The following STK32B variants were observed in gnomAD, a reference collection of about 807,000 sequenced individuals.
STK32B encodes serine/threonine-protein kinase 32B.
A neutral mutation model predicts 52.6 loss-of-function variants in STK32B; 43 were observed. The observed-to-expected ratio is 0.82, with a 90% CI of 0.64 to 1.05. STK32B has a LOEUF of 1.05. STK32B is among the 50% of genes least tolerant of loss of function. The probability of loss-of-function intolerance (pLI) is 0.00; values close to 1 mark genes in which losing one functional copy is unlikely to be tolerated. For synonymous variants in STK32B, 238 were observed against 204.3 expected (o/e 1.17, Z -1.41); for missense variants, 621 against 534.6 (o/e 1.16, Z -1.59).
intron 2 of STK32B, among the ~76,000 whole-genome samples, chr4:5,166,925 C>G (rs1718915228): frequency 6.6e-6 from 1 of 152,108 alleles, no homozygotes; most frequent in African/African-American, 2.4e-5. Flanking sequence ...TGCTAACTGT[C>G]CAAGGAACCA....
chr4:5,259,722 C>A (rs557221190), intron 3 of STK32B, among the ~76,000 whole-genome samples: 4 of 152,256 alleles, frequency 2.6e-5, no homozygotes, highest in Non-Finnish European at 5.9e-5. Context: ...AAACCATGTG[C>A]TGGGATGAGA....
At chr4:5,140,501 GT>G (rs1434457156) in intron 2 of STK32B, among the ~76,000 whole-genome samples, 1 of 151,826 alleles carries the variant, frequency 6.6e-6, no homozygotes, top group African/African-American at 2.4e-5. Context: ...ATTCTGTTAT[GT>G]TTTTTTCACA....
chr4:5,297,642 T>G (rs540844897), intron 3 of STK32B, among the ~76,000 whole-genome samples: 46 of 152,038 alleles, frequency 3.0e-4, no homozygotes, highest in African/African-American at 1.0e-3. Context: ...TATGTTTTTT[T>G]TTTTTTTTTT....
chr4:5,070,909 C>T (rs375337208), intron 1 of STK32B, among the ~76,000 whole-genome samples: 19 of 152,128 alleles, frequency 1.2e-4, no homozygotes, highest in African/African-American at 4.1e-4. Context: ...AGAAGGCGTT[C>T]CTAGGCATGA....
chr4:5,408,024 C>T (rs941457386), intron 5 of STK32B, among the ~76,000 whole-genome samples: 1 of 152,108 alleles, frequency 6.6e-6, no homozygotes, highest in African/African-American at 2.4e-5. Flanking sequence ...AGGAAGCAGG[C>T]CCTCCACAGA....
At chr4:5,169,524 G>C (rs1206149638) in intron 3 of STK32B, among the ~76,000 whole-genome samples, 1 of 152,040 alleles carries the variant, frequency 6.6e-6, no homozygotes, top group African/African-American at 2.4e-5. Context: ...TGGATGATAG[G>C]AGAACAAAGA....
At chr4:5,442,883 T>A (rs902214027) in intron 6 of STK32B, among the ~76,000 whole-genome samples, 3 of 152,174 alleles carry the variant, frequency 2.0e-5, no homozygotes, top group Non-Finnish European at 4.4e-5. Flanking sequence ...TGGCTGGATA[T>A]GAAATTCTGG....
At chr4:5,486,983 C>G (rs1719276944) in intron 11 of STK32B, among the ~76,000 whole-genome samples, 1 of 152,222 alleles carries the variant, frequency 6.6e-6, no homozygotes, top group South Asian at 2.1e-4. Context: ...AGAATTGCAG[C>G]AGGTCATTTA....
chr4:5,157,298 G>GT (rs1717932622), intron 2 of STK32B, among the ~76,000 whole-genome samples: 1 of 90,180 alleles, frequency 1.1e-5, no homozygotes, highest in African/African-American at 4.3e-5. Flanking sequence ...CTGTGAGGAT[G>GT]TAAAAAAAAA....
intron 11 of STK32B, among the ~76,000 whole-genome samples, chr4:5,491,357 T>G (rs1719718976): frequency 6.6e-6 from 1 of 152,252 alleles, no homozygotes; most frequent in African/African-American, 2.4e-5. Context: ...CATGTGTTTT[T>G]TGGCTGCATA....
At chr4:5,099,613 G>T (rs1228984640) in intron 1 of STK32B, among the ~76,000 whole-genome samples, 1 of 152,054 alleles carries the variant, frequency 6.6e-6, no homozygotes, top group Non-Finnish European at 1.5e-5. Context: ...TGATGGAGGT[G>T]GTCTACGAAC....
At chr4:5,390,959 T>C (rs1736558323) in intron 4 of STK32B, among the ~76,000 whole-genome samples, 1 of 147,382 alleles carries the variant, frequency 6.8e-6, no homozygotes, top group African/African-American at 2.6e-5. Context: ...GTGTCTCTTT[T>C]CTATCTTTTT....
At chr4:5,073,556 A>G (rs1424951352) in intron 1 of STK32B, among the ~76,000 whole-genome samples, 4 of 152,018 alleles carry the variant, frequency 2.6e-5, no homozygotes, top group African/African-American at 7.2e-5. Flanking sequence ...ACCCATGTAT[A>G]TAACGTTTCC....
intron 3 of STK32B, among the ~76,000 whole-genome samples, chr4:5,176,061 G>T (rs907100545): frequency 1.3e-5 from 2 of 152,252 alleles, no homozygotes; most frequent in Non-Finnish European, 2.9e-5. Flanking sequence ...TGCTGTGCTA[G>T]CAATGAGCGA....
intron 3 of STK32B, among the ~76,000 whole-genome samples, chr4:5,330,500 A>G (rs1430296835): frequency 6.6e-6 from 1 of 152,074 alleles, no homozygotes; most frequent in Non-Finnish European, 1.5e-5. Flanking sequence ...TAATCATCTC[A>G]TGTTCTGTGG....
chr4:5,444,802 C>T (rs1445295252), intron 6 of STK32B, among the ~76,000 whole-genome samples: 1 of 152,194 alleles, frequency 6.6e-6, no homozygotes, highest in African/African-American at 2.4e-5. Context: ...CTACATTCTA[C>T]ACAACTGAGG....
chr4:5,385,852 C>A (rs192430871), intron 4 of STK32B, among the ~76,000 whole-genome samples: 270 of 150,208 alleles, frequency 1.8e-3, no homozygotes, highest in Middle Eastern at 0.01. Flanking sequence ...CCACTTAAAG[C>A]CCCCACCCAC....
rs1292930868 is a variant in STK32B, at chr4:5,499,144, C to A, written c.*61C>A. ...GTCTCTGCCCTGCCCACCCAGAGCCCCTCTTTGTGCCCTGATGGTCCCTGT... is the reference window on the plus strand; with the variant it reads ...GTCTCTGCCCTGCCCACCCAGAGCCACTCTTTGTGCCCTGATGGTCCCTGT... On this transcript the variant is annotated 3_prime_UTR_variant, in exon 12 of 12. Transcript: ENST00000282908. The A allele has an allele frequency of 2.6e-6, 4 of 1,521,818 alleles. No individual in the cohort carries two copies. The African/African-American group carries it at 4.2e-5, about 16-fold the overall frequency. 94.3% of individuals were successfully genotyped at this position (1,521,818 alleles called of 1,614,324 possible).
At chr4:5,040,680 G>A in the STK32B span, among the ~76,000 whole-genome samples, 3,057 of 152,154 alleles carry the variant, frequency 0.02, 109 homozygotes, top group African/African-American at 0.07. Flanking sequence ...GTGCCACTGC[G>A]CCCGGCCAAG....
Sources: allele counts gnomAD v4.1 joint callset (sites outside exome capture counted in the v4.1 genomes callset), GRCh38; gene constraint gnomAD v4.1.1; transcripts MANE v1.5; gene names NCBI Gene and HGNC (gene_info 2026-07-23, HGNC 2026-07-21).